The following MTUS1 variants were observed in gnomAD, a reference collection of about 807,000 sequenced individuals.
The protein encoded by MTUS1 is microtubule associated scaffold protein 1.
In MTUS1, 109 loss-of-function variants were observed where a neutral mutation model predicts 120.8. The ratio of observed to expected loss-of-function variants is 0.90; its 90% CI spans 0.77 to 1.06. The LOEUF is 1.06. MTUS1 is among the 50% of genes least tolerant of loss of function. MTUS1 has a pLI of 0.00. For missense variants in MTUS1, 2,210 were observed against 1,486.3 expected (o/e 1.49, Z -8.01); for synonymous variants, 737 against 550.5 (o/e 1.34, Z -4.74).
chr8:17,728,260 C>A (rs1287431451), intron 3 of MTUS1, among the ~76,000 whole-genome samples: 3 of 152,130 alleles, frequency 2.0e-5, no homozygotes, highest in Non-Finnish European at 2.9e-5. Flanking sequence ...TACACCCACA[C>A]AACACCACAC....
At chr8:17,789,851 G>A (rs935168159) in intron 1 of MTUS1, among the ~76,000 whole-genome samples, 9 of 152,078 alleles carry the variant, frequency 5.9e-5, no homozygotes, top group Admixed American at 2.0e-4. Flanking sequence ...TGGAAATAGA[G>A]AACTGATGAC....
intron 14 of MTUS1, 144 bp downstream of exon 14, chr8:17,646,838 T>C (rs1805894256): frequency 1.6e-6 from 1 of 639,682 alleles, no homozygotes; most frequent in African/African-American, 1.8e-5. Flanking sequence ...TACAATCATA[T>C]TTTCCACAGA....
At chr8:17,675,048 G>C (rs1210860004) in intron 8 of MTUS1, 138 bp downstream of exon 8, 3 of 1,487,656 alleles carry the variant, frequency 2.0e-6, no homozygotes, top group Non-Finnish European at 2.7e-6. Context: ...TCGATAGTAA[G>C]TGTTTGCCCA....
At chr8:17,740,632 C>T (rs2047248666) in intron 3 of MTUS1, among the ~76,000 whole-genome samples, 1 of 152,208 alleles carries the variant, frequency 6.6e-6, no homozygotes, top group East Asian at 1.9e-4. Flanking sequence ...TTCTGTAAAA[C>T]ATAATACAGT....
Position 17,646,109 on chromosome 8 carries a change from T to C in MTUS1, c.3630A>G (p.Gln1210=), listed in dbSNP as rs748769782. 2.5e-6 allele frequency: 4 copies of C among 1,612,954 alleles called. No individual in the cohort carries two copies. Among genetic ancestry groups the C allele is most frequent in the Non-Finnish European group, 3.4e-6 (4 of 1,179,560 alleles). The part of the protein sequence containing the change: ...RQLSTEQAVL[Q]ESLEKESKVN... ...CTTTCGACTCCTTCTCCAGCGACTC[T>C]TGCAGAACAGCCTGCTCCGTGGAAA... Residue 1210 remains glutamine, a synonymous_variant, in exon 15 of 15, where the codon CAA becomes CAG. Coordinates refer to ENST00000693296, the MANE Select transcript of MTUS1 (RefSeq NM_001363059.2).
intron 7 of MTUS1, 131 bp downstream of exon 7, chr8:17,684,197 T>C: frequency 1.5e-6 from 1 of 676,732 alleles, no homozygotes; most frequent in Non-Finnish European, 2.6e-6. Flanking sequence ...GACAAAAATG[T>C]AATGGGATGA....
intron 9 of MTUS1, 82 bp from the exon 10 acceptor site, chr8:17,654,748 A>G: frequency 1.1e-6 from 1 of 928,160 alleles, no homozygotes; most frequent in Non-Finnish European, 1.8e-6. Flanking sequence ...ACATTAGGAG[A>G]CGTCACAGCT....
intron 1 of MTUS1, among the ~76,000 whole-genome samples, chr8:17,777,944 A>T (rs2050583729): frequency 6.6e-6 from 1 of 152,196 alleles, no homozygotes; most frequent in Non-Finnish European, 1.5e-5. Flanking sequence ...AAAACTAGGA[A>T]AAATATTTTT....
chr8:17,644,811 T>G lies in MTUS1; in HGVS notation c.*1115A>C, dbSNP rs557720076. ...TCCAGGCTTTAGTTTATTTGGAAAG[T>G]GGTTTCAGCACCTGGAAGATGAGCT... On this transcript the variant is annotated 3_prime_UTR_variant, in exon 15 of 15. Coordinates refer to ENST00000693296, the MANE Select transcript of MTUS1 (RefSeq NM_001363059.2). 7.9e-5 allele frequency: 12 copies of G among 152,304 alleles called. No individual in the cohort carries two copies. Among genetic ancestry groups the G allele is most frequent in the African/African-American group, 2.9e-4 (12 of 41,576 alleles). 9.4% of individuals were successfully genotyped at this position (152,304 alleles called of 1,614,324 possible). A position where few individuals can be genotyped will look rare whatever the true frequency, so the allele number is the denominator to read the frequency against.
intron 2 of MTUS1, among the ~76,000 whole-genome samples, chr8:17,752,454 G>A (rs926079932): frequency 6.6e-6 from 1 of 152,184 alleles, no homozygotes; most frequent in African/African-American, 2.4e-5. Flanking sequence ...CTAAATCTGA[G>A]TTTTGAAACA....
chr8:17,714,909 T>C (rs1028986084), intron 5 of MTUS1, among the ~76,000 whole-genome samples: 2 of 134,582 alleles, frequency 1.5e-5, no homozygotes, highest in Non-Finnish European at 3.2e-5. Context: ...TTTTTTTTTT[T>C]TTTTTTTTTT....
At chr8:17,708,932 T>C (rs1325135087) in intron 6 of MTUS1, 3 of 152,152 alleles carry the variant, frequency 2.0e-5, no homozygotes, top group Admixed American at 6.5e-5. Flanking sequence ...GGTCAGAAGA[T>C]CGAGACCATC....
In MTUS1 at chr8:17,666,912, G is replaced by C. The variant is rs1315798135; in HGVS notation, c.2905+8274C>G. The stretch of plus-strand genomic sequence containing the variant: ...TGCAGATTCCTGGACTTCATCCCCA[G>C]CCAACCAAGTCAGAAGCAATGGGCA... On this transcript the variant is annotated intron_variant, in intron 8 of 14. Transcript: ENST00000693296. 2.0e-5 allele frequency among the ~76,000 whole-genome samples: 3 copies of C among 152,190 alleles called. No individual in the cohort carries two copies. The East Asian group carries it at 5.8e-4, about 29-fold the overall frequency.
At chr8:17,742,311 T>TTTA (rs1554516969) in intron 3 of MTUS1, among the ~76,000 whole-genome samples, 3 of 139,630 alleles carry the variant, frequency 2.1e-5, no homozygotes, top group African/African-American at 2.6e-5. Context: ...TTTTTTTTTT[T>TTTA]AGAGATAGTG....
chr8:17,774,003 T>G (rs562485828), intron 1 of MTUS1, among the ~76,000 whole-genome samples: 11 of 152,178 alleles, frequency 7.2e-5, no homozygotes, highest in Non-Finnish European at 1.3e-4. Flanking sequence ...CCCTCACATC[T>G]ACATTCTCTC....
chr8:17,684,604 C>G, intron 6 of MTUS1, 62 bp from the exon 7 acceptor site: 4 of 1,353,528 alleles, frequency 3.0e-6, no homozygotes, highest in Non-Finnish European at 3.1e-6. Context: ...ATCACCACCA[C>G]AAGGATTCAA....
chr8:17,735,051 T>TGAGACCACAGGCGG (rs1469531916), intron 3 of MTUS1, among the ~76,000 whole-genome samples: 1 of 152,136 alleles, frequency 6.6e-6, no homozygotes, highest in Non-Finnish European at 1.5e-5. Context: ...AGCTAGTAGC[T>TGAGACCACAGGCGG]GAGACCACAG....
At chr8:17,713,183 T>G in intron 6 of MTUS1, 31 bp downstream of exon 6, 1 of 1,554,170 alleles carries the variant, frequency 6.4e-7, no homozygotes, top group South Asian at 1.2e-5. Context: ...AAAAGATTCT[T>G]TTTATCGCCA....
At chr8:17,690,258 T>C (rs928212014) in intron 6 of MTUS1, among the ~76,000 whole-genome samples, 34 of 152,012 alleles carry the variant, frequency 2.2e-4, no homozygotes, top group African/African-American at 7.2e-4. Context: ...AGCCAACATA[T>C]GGAAAAAGTA....
Sources: allele counts gnomAD v4.1 joint callset (sites outside exome capture counted in the v4.1 genomes callset), GRCh38; gene constraint gnomAD v4.1.1; transcripts MANE v1.5; gene names NCBI Gene and HGNC (gene_info 2026-07-23, HGNC 2026-07-21).